CHRNA9: variants seen among roughly 807,000 people sequenced by gnomAD.
CHRNA9 encodes cholinergic receptor nicotinic alpha 9 subunit, also known as neuronal acetylcholine receptor subunit alpha-9.
Under a neutral mutation model 36.8 loss-of-function variants are expected in CHRNA9, and 24 were observed. The ratio of observed to expected loss-of-function variants is 0.65; its 90% CI spans 0.47 to 0.92. The LOEUF (loss-of-function observed/expected upper bound fraction) is 0.92, where lower values mean the gene tolerates loss of function less well. Ranked by LOEUF, CHRNA9 falls within the 40% of genes least tolerant of loss-of-function variation. The probability of loss-of-function intolerance (pLI) is 0.00; values close to 1 mark genes in which losing one functional copy is unlikely to be tolerated. For synonymous variants in CHRNA9, 231 were observed against 231.8 expected, an observed-to-expected ratio of 1.00 and a Z score of 0.03; for missense variants, 610 against 601.2, an observed-to-expected ratio of 1.01 and a Z score of -0.15.
chr4:40,353,306 G>C (rs34936732), intron 4 of CHRNA9, among the ~76,000 whole-genome samples: 15 of 152,056 alleles, frequency 9.9e-5, no homozygotes, highest in African/African-American at 3.6e-4. Context: ...GCCTGGCCAA[G>C]ATGGCGAAAC....
At chr4:40,343,277 C>T (rs1294626510) in intron 3 of CHRNA9, among the ~76,000 whole-genome samples, 1 of 152,080 alleles carries the variant, frequency 6.6e-6, no homozygotes, top group Admixed American at 6.5e-5. Flanking sequence ...AAAGACATAC[C>T]CAAGACTGGG....
chr4:40,337,505 A>T, intron 3 of CHRNA9, 141 bp downstream of exon 3: 1 of 984,292 alleles, frequency 1.0e-6, no homozygotes, highest in Non-Finnish European at 1.4e-6. Context: ...GAAATAAGAG[A>T]CATAGAATCT....
At chr4:40,341,750 A>G (rs1712507516) in intron 3 of CHRNA9, among the ~76,000 whole-genome samples, 1 of 152,040 alleles carries the variant, frequency 6.6e-6, no homozygotes, top group African/African-American at 2.4e-5. Context: ...CTGTACTTTC[A>G]TTGCTTTATT....
chr4:40,336,124 T>G (rs1712312288), intron 2 of CHRNA9, 152 bp downstream of exon 2: 2 of 681,934 alleles, frequency 2.9e-6, no homozygotes, highest in Non-Finnish European at 5.0e-6. Flanking sequence ...AAAAGGAAGC[T>G]TTCTACAAAA....
At chr4:40,351,315 G>C (rs1432917388) in intron 4 of CHRNA9, among the ~76,000 whole-genome samples, 2 of 144,094 alleles carry the variant, frequency 1.4e-5, no homozygotes, top group African/African-American at 5.2e-5. Context: ...CTGGGGGACA[G>C]TGTGAGACTT....
chr4:40,347,103 A>G (rs1445467849), intron 3 of CHRNA9, among the ~76,000 whole-genome samples: 2 of 152,234 alleles, frequency 1.3e-5, no homozygotes, highest in South Asian at 4.1e-4. Context: ...GTGAGCCACC[A>G]CACCCAGCCA....
At chr4:40,343,085 T>A (rs960756106) in intron 3 of CHRNA9, among the ~76,000 whole-genome samples, 8 of 152,160 alleles carry the variant, frequency 5.3e-5, no homozygotes, top group Non-Finnish European at 7.3e-5. Flanking sequence ...ACTGGGCGAC[T>A]CTCCCTGCTC....
At chr4:40,347,116 A>G (rs1577547907) in intron 3 of CHRNA9, among the ~76,000 whole-genome samples, 1 of 152,136 alleles carries the variant, frequency 6.6e-6, no homozygotes, top group East Asian at 1.9e-4. Context: ...CCCAGCCAAT[A>G]TATTTTTTAT....
chr4:40,338,967 G>A (rs1712410785), intron 3 of CHRNA9, among the ~76,000 whole-genome samples: 1 of 152,084 alleles, frequency 6.6e-6, no homozygotes, highest in South Asian at 2.1e-4. Flanking sequence ...GAGTGCAGGA[G>A]AGTAATATCT....
At chr4:40,340,147 G>A (rs1160151834) in intron 3 of CHRNA9, among the ~76,000 whole-genome samples, 2 of 152,156 alleles carry the variant, frequency 1.3e-5, no homozygotes, top group East Asian at 3.9e-4. Context: ...AGCCAGTTAT[G>A]TACTCATGAG....
At chr4:40,346,944 G>A (rs1241224004) in intron 3 of CHRNA9, among the ~76,000 whole-genome samples, 1 of 151,978 alleles carries the variant, frequency 6.6e-6, no homozygotes, top group Non-Finnish European at 1.5e-5. Flanking sequence ...CCGAGTAGCT[G>A]GGACTACAGG....
chr4:40,335,850 T>C lies in CHRNA9; in HGVS notation c.88T>C (p.Tyr30His), dbSNP rs774116058. ...LRAAETADGK[Y>H]AQKLFNDLFE... ...AGCTGCAGAGACGGCAGATGGAAAA[T>C]ATGCTCAGAAGTTGTTTAATGACCT... The change falls in exon 2 of 5, where the codon TAT becomes CAT. Residue 30 changes from tyrosine to histidine, a missense_variant. By Grantham distance (83) the Tyr-to-His change is moderately conservative (BLOSUM62 2). Transcript: ENST00000310169. 9 of 1,613,270 alleles carry C rather than the reference T, an allele frequency of 5.6e-6. No homozygotes were observed. Among genetic ancestry groups the C allele is most frequent in the Admixed American group, 1.7e-5 (1 of 59,940 alleles).
intron 4 of CHRNA9, among the ~76,000 whole-genome samples, chr4:40,350,798 T>G (rs957872318): frequency 4.6e-5 from 7 of 151,734 alleles, no homozygotes; most frequent in Non-Finnish European, 1.0e-4. Context: ...TGGCATTTTA[T>G]TACCTCTCCT....
At chr4:40,347,243 G>GT (rs961700871) in intron 3 of CHRNA9, among the ~76,000 whole-genome samples, 7 of 152,112 alleles carry the variant, frequency 4.6e-5, no homozygotes, top group Non-Finnish European at 8.8e-5. Flanking sequence ...CCAATATGTA[G>GT]TTTTTTTATC....
In CHRNA9 at chr4:40,354,085, C is replaced by A. The variant is rs200543085; in HGVS notation, c.1005C>A (p.His335Gln). The change falls in exon 5 of 5, where the codon CAC (histidine) becomes CAA (glutamine). Residue 335 changes from histidine to glutamine, a missense_variant. Coordinates refer to ENST00000310169, the MANE Select transcript of CHRNA9 (RefSeq NM_017581.4). ...FCGAEARPVP[H>Q]WARVVILKYM... ...GGGCCGAGGCCCGGCCGGTGCCACA[C>A]TGGGCCAGGGTGGTCATCCTGAAAT... 1,906 of 1,614,222 alleles carry A rather than the reference C, an allele frequency of 1.2e-3. 34 individuals carry two copies. The South Asian group carries it at 0.018, about 16-fold the overall frequency.
Position 40,335,449 on chromosome 4 carries a change from A to G in CHRNA9, c.-19A>G, listed in dbSNP as rs1395274454. 1 of 1,603,244 alleles carries G rather than the reference A, an allele frequency of 6.2e-7. No homozygotes were observed. The highest frequency in any genetic ancestry group is 1.3e-5 in the African/African-American group (1 of 74,740). On this transcript the variant is annotated 5_prime_UTR_variant, in exon 1 of 5. Coordinates refer to ENST00000310169, the MANE Select transcript of CHRNA9 (RefSeq NM_017581.4). ...CACGCTGCCTGACTGAGACTTTATT[A>G]TAGAGGCTCAGGAAAAAGATGAACT...
intron 4 of CHRNA9, chr4:40,349,905 T>G (rs983058659): frequency 3.1e-5 from 5 of 158,774 alleles, no homozygotes; most frequent in Non-Finnish European, 5.6e-5. Flanking sequence ...ATTTGAACGC[T>G]GACTTCACTG....
At chr4:40,335,745 T>C in intron 1 of CHRNA9, 82 bp from the exon 2 acceptor site, 1 of 1,407,068 alleles carries the variant, frequency 7.1e-7, no homozygotes. Context: ...CCATCCCCCA[T>C]TTTAGACCTC....
chr4:40,335,932 A>T lies in CHRNA9; in HGVS notation c.170A>T (p.Asn57Ile). The T allele has an allele frequency of 6.2e-7, 1 of 1,613,198 alleles. No individual in the cohort carries two copies. Among genetic ancestry groups the T allele is most frequent in the East Asian group, 2.2e-5 (1 of 44,884 alleles). Residue 57 changes from asparagine to isoleucine, a missense_variant, in exon 2 of 5, where the codon AAT becomes ATT. Physicochemically the swap from Asn to Ile is moderately radical, Grantham distance 149. Coordinates refer to ENST00000310169, the MANE Select transcript of CHRNA9 (RefSeq NM_017581.4). Reference sequence around the variant, plus strand: ...GTGGAAGATACAGATAAAGTCCTGAATGTGACCCTGCAGATTACGCTCTCT... The same window carrying T: ...GTGGAAGATACAGATAAAGTCCTGATTGTGACCCTGCAGATTACGCTCTCT... ...RPVEDTDKVLNVTLQITLSQI... is the reference protein window; with the variant it reads ...RPVEDTDKVLIVTLQITLSQI...
Sources: gnomAD v4.1 joint callset for allele counts (sites outside exome capture counted in the v4.1 genomes callset) on GRCh38, gnomAD v4.1.1 for gene constraint, MANE v1.5 for transcripts, NCBI Gene and HGNC (gene_info 2026-07-23, HGNC 2026-07-21) for gene names.